Variants in KIF1B observed in about 807,000 individuals in gnomAD.
KIF1B encodes kinesin family member 1B.
A neutral mutation model predicts 241.9 loss-of-function variants in KIF1B; 76 were observed. The observed-to-expected ratio is 0.31, with a 90% CI of 0.26 to 0.38. The LOEUF is 0.38. Among genes scored for constraint, KIF1B ranks in the 10% least tolerant of loss-of-function variants. The pLI, the probability that KIF1B is intolerant of heterozygous loss-of-function variation, is 1.00. For synonymous variants in KIF1B, 750 were observed against 796.7 expected, an observed-to-expected ratio of 0.94 and a Z score of 0.99; for missense variants, 1,622 against 2,271.4, an observed-to-expected ratio of 0.71 and a Z score of 5.81.
At chr1:10,244,666 G>T (rs1053748918) in intron 2 of KIF1B, among the ~76,000 whole-genome samples, 1 of 142,800 alleles carries the variant, frequency 7.0e-6, no homozygotes, top group Non-Finnish European at 1.5e-5. Context: ...AGGCTGGAGT[G>T]CAGTGGCGTG....
At chr1:10,305,299 T>C (rs1650773898) in intron 22 of KIF1B, 1 of 1,045,242 alleles carries the variant, frequency 9.6e-7, no homozygotes, top group Non-Finnish European at 1.2e-6. Context: ...GGTTTTTTCT[T>C]TTGAATGTAT....
At chr1:10,316,699 G>A (rs1427490027) in intron 22 of KIF1B, among the ~76,000 whole-genome samples, 2 of 151,432 alleles carry the variant, frequency 1.3e-5, no homozygotes, top group African/African-American at 4.9e-5. Flanking sequence ...ATGGGGTTTG[G>A]CCATGTTGCC....
chr1:10,365,303 T>C lies in KIF1B; in HGVS notation c.4512+58T>C. 6.2e-7 allele frequency: 1 copy of C among 1,613,186 alleles called. No homozygotes were observed. The highest frequency in any genetic ancestry group is 8.5e-7 in the Non-Finnish European group (1 of 1,179,410). ...ACTCTCGGACAAGATTGCCAAAGTA[T>C]CAGTCTTCCTCCCCGCTGCTGCATG... On this transcript the variant is annotated intron_variant, in intron 42 of 48. Transcript: ENST00000676179. This position sits in a 1 kb window ranked among gnomAD's most constrained non-coding sequence, Gnocchi z 4.0.
chr1:10,214,902 G>T (rs1383867760), intron 1 of KIF1B, among the ~76,000 whole-genome samples: 1 of 151,590 alleles, frequency 6.6e-6, no homozygotes, highest in African/African-American at 2.4e-5. Context: ...TATAGAAATG[G>T]TGAGATAAAG....
At chr1:10,252,650 G>C (rs527527893) in intron 2 of KIF1B, among the ~76,000 whole-genome samples, 1 of 151,794 alleles carries the variant, frequency 6.6e-6, no homozygotes, top group Non-Finnish European at 1.5e-5. Flanking sequence ...GTACTCCAGC[G>C]ATCCTCCTGC....
chr1:10,283,822 C>T (rs1649554341), intron 15 of KIF1B, among the ~76,000 whole-genome samples: 1 of 152,238 alleles, frequency 6.6e-6, no homozygotes, highest in Non-Finnish European at 1.5e-5. Context: ...GTCTTCTTCA[C>T]AGTCACTTGG....
intron 15 of KIF1B, among the ~76,000 whole-genome samples, chr1:10,289,312 A>G (rs1467668133): frequency 6.6e-6 from 1 of 151,978 alleles, no homozygotes; most frequent in Admixed American, 6.5e-5. Context: ...CTTATCTCCT[A>G]CTGTATTCGT....
intron 15 of KIF1B, among the ~76,000 whole-genome samples, chr1:10,286,185 A>T (rs754706439): frequency 1.4e-4 from 22 of 152,122 alleles, no homozygotes; most frequent in Non-Finnish European, 2.8e-4. Context: ...GATTACAGGC[A>T]TGTACCACCA....
At chr1:10,291,991 A>G in intron 16 of KIF1B, 56 bp from the exon 17 acceptor site, 1 of 1,431,226 alleles carries the variant, frequency 7.0e-7, no homozygotes, top group East Asian at 2.3e-5. Flanking sequence ...TTCATATTAG[A>G]CTGATTTAAT....
At chr1:10,296,789 A>G in intron 20 of KIF1B, 108 bp from the exon 21 acceptor site, 1 of 1,384,328 alleles carries the variant, frequency 7.2e-7, no homozygotes, top group Non-Finnish European at 1.0e-6. Context: ...TTGTAAAAAC[A>G]ACAGCTCTGA....
chr1:10,302,947 T>G (rs1569770530), intron 22 of KIF1B, among the ~76,000 whole-genome samples: 2 of 152,314 alleles, frequency 1.3e-5, no homozygotes, highest in South Asian at 4.1e-4. Flanking sequence ...TAAGCAAATC[T>G]TTATATTGAT....
chr1:10,363,739 C>G (rs760667740), intron 41 of KIF1B, among the ~76,000 whole-genome samples: 20 of 152,106 alleles, frequency 1.3e-4, no homozygotes, highest in Non-Finnish European at 2.9e-4. Context: ...CAGATTTGTT[C>G]TGTATTCTTT....
intron 4 of KIF1B, among the ~76,000 whole-genome samples, chr1:10,260,311 G>T (rs1022252169): frequency 1.3e-5 from 2 of 152,186 alleles, no homozygotes; most frequent in Non-Finnish European, 2.9e-5. Context: ...CCTGCATAGT[G>T]CTCTTACACT....
Position 10,365,486 on chromosome 1 carries a change from A to G in KIF1B, c.4590A>G (p.Leu1530=), listed in dbSNP as rs751046833. The part of the protein sequence containing the change: ...DSIPKSLSDS[L]SPSLSSGTLS... ...TCCCCAAATCCCTGAGCGACTCGTT[A>G]TCCCCCAGCCTCAGCAGTGGGACCC... The change falls in exon 43 of 49, where the codon TTA becomes TTG. Residue 1530 remains leucine, a synonymous_variant. Coordinates refer to ENST00000676179, the MANE Select transcript of KIF1B (RefSeq NM_001365951.3). This position sits in a 1 kb window ranked among gnomAD's most constrained non-coding sequence, Gnocchi z 4.0. 6.2e-7 allele frequency: 1 copy of G among 1,614,044 alleles called. No homozygotes were observed. The highest frequency in any genetic ancestry group is 1.1e-5 in the South Asian group (1 of 91,058).
At chr1:10,211,805 G>C (rs1343472300) in intron 1 of KIF1B, 1 of 151,062 alleles carries the variant, frequency 6.6e-6, no homozygotes, top group Non-Finnish European at 1.5e-5. Context: ...CATCTTCTGC[G>C]TCCAGTGCGG....
At chr1:10,348,415 T>C (rs1035025534) in intron 36 of KIF1B, among the ~76,000 whole-genome samples, 1 of 152,120 alleles carries the variant, frequency 6.6e-6, no homozygotes, top group Non-Finnish European at 1.5e-5. Context: ...CTTAAAACCA[T>C]AGAGAAAAAG....
chr1:10,374,902 C>T lies in KIF1B; in HGVS notation c.5145C>T (p.Tyr1715=). The T allele has an allele frequency of 1.9e-6, 3 of 1,606,244 alleles. No homozygotes were observed. The highest frequency in any genetic ancestry group is 1.7e-5 in the Admixed American group (1 of 59,754). ...KGYLHFKEPL[Y]SNWAKHFVVV... ...ACCTTCATTTCAAGGAGCCTCTTTA[C>T]AGTAACTGGGCTAAACATTTTGTTG... The change falls in exon 47 of 49, where the codon TAC becomes TAT. Residue 1715 remains tyrosine (Y), a synonymous_variant. Coordinates refer to ENST00000676179, the MANE Select transcript of KIF1B (RefSeq NM_001365951.3). This position sits in a 1 kb window ranked among gnomAD's most constrained non-coding sequence, Gnocchi z 4.3.
chr1:10,349,606 T>C (rs1652714829), intron 37 of KIF1B, among the ~76,000 whole-genome samples: 2 of 150,088 alleles, frequency 1.3e-5, no homozygotes, highest in Non-Finnish European at 3.0e-5. Flanking sequence ...CTGAATAGAT[T>C]CAAGAAAAAT....
Position 10,323,952 on chromosome 1 carries a change from T to C in KIF1B, c.2427T>C (p.Thr809=), listed in dbSNP as rs759074305. ...CTTTGCCTCCTGAATTACTTCCCAC[T>C]GAGATGGAAAAAACTCATGAGGACA... is the stretch of plus-strand genomic sequence containing the variant. The part of the protein sequence containing the change: ...YSPLPPELLP[T]EMEKTHEDRP... The change falls in exon 25 of 49, where the codon ACT becomes ACC. Residue 809 remains threonine, a synonymous_variant. Transcript: ENST00000676179. 1.9e-6 allele frequency: 3 copies of C among 1,614,120 alleles called. No homozygotes were observed. The South Asian group carries it at 3.3e-5, about 18-fold the overall frequency.
Sources: allele counts gnomAD v4.1 joint callset (sites outside exome capture counted in the v4.1 genomes callset), GRCh38; gene constraint gnomAD v4.1.1; non-coding constraint Gnocchi (gnomAD v3.1); transcripts MANE v1.5; gene names NCBI Gene and HGNC (gene_info 2026-07-23, HGNC 2026-07-21).